The following HBS1L variants were observed in gnomAD, a reference collection of about 807,000 sequenced individuals.
HBS1L encodes HBS1 like translational GTPase.
Under a neutral mutation model 88.9 loss-of-function variants are expected in HBS1L, and 55 were observed. The observed-to-expected ratio is 0.62, with a 90% CI of 0.50 to 0.77. The LOEUF is 0.77. Among genes scored for constraint, HBS1L ranks in the 30% least tolerant of loss-of-function variants. The pLI is 0.00. For missense variants in HBS1L, 741 were observed against 829.3 expected, an observed-to-expected ratio of 0.89 and a Z score of 1.31; for synonymous variants, 267 against 288.5, an observed-to-expected ratio of 0.93 and a Z score of 0.76.
At chr6:135,011,362 A>T (rs1775768177) in intron 4 of HBS1L, among the ~76,000 whole-genome samples, 1 of 152,026 alleles carries the variant, frequency 6.6e-6, no homozygotes, top group Non-Finnish European at 1.5e-5. Flanking sequence ...CACACAAAAA[A>T]ATTTTCAATT....
intron 4 of HBS1L, among the ~76,000 whole-genome samples, chr6:135,006,125 A>G (rs964857509): frequency 6.6e-6 from 1 of 152,050 alleles, no homozygotes; most frequent in African/African-American, 2.4e-5. Context: ...CTTCATTAGG[A>G]GTTAAGAATC....
intron 2 of HBS1L, among the ~76,000 whole-genome samples, chr6:135,042,329 T>C (rs1776765959): frequency 6.6e-6 from 1 of 152,190 alleles, no homozygotes; most frequent in Non-Finnish European, 1.5e-5. Context: ...TATTATTCTC[T>C]TATAATCTTC....
intron 1 of HBS1L, among the ~76,000 whole-genome samples, 159 bp from the exon 2 acceptor site, chr6:135,050,806 C>T (rs1777057978): frequency 6.6e-6 from 1 of 152,168 alleles, no homozygotes; most frequent in African/African-American, 2.4e-5. Context: ...GAATTTCACC[C>T]ACAAAATAGG....
chr6:134,978,364 G>C (rs904053108), intron 15 of HBS1L, among the ~76,000 whole-genome samples: 1 of 151,880 alleles, frequency 6.6e-6, no homozygotes, highest in African/African-American at 2.4e-5. Context: ...GAAAAACTTA[G>C]AAGTAAGTAA....
chr6:135,032,109 T>C (rs1776403295), intron 4 of HBS1L, among the ~76,000 whole-genome samples: 1 of 151,976 alleles, frequency 6.6e-6, no homozygotes, highest in Non-Finnish European at 1.5e-5. Flanking sequence ...AAGGCAAGAA[T>C]TCTAAATGCT....
In HBS1L at chr6:135,050,625, G is replaced by A. The variant is rs779536850; in HGVS notation, c.66C>T (p.Tyr22=). 1.1e-5 allele frequency: 17 copies of A among 1,592,370 alleles called. No homozygotes were observed. Among genetic ancestry groups the A allele is most frequent in the Admixed American group, 1.7e-5 (1 of 57,602 alleles). The part of the protein sequence containing the change: ...YDEDFEDDDL[Y]GQSVEDDYCI... ...AATAATCATCCTCTACAGACTGGCC[G>A]TAGAGATCATCATCTTCAAAATCTA... The change falls in exon 2 of 18, where the codon TAC becomes TAT. Residue 22 remains tyrosine (Y), a synonymous_variant. Coordinates refer to ENST00000367837, the MANE Select transcript of HBS1L (RefSeq NM_006620.4).
At chr6:135,015,901 TCCAGACGGAG>T in intron 4 of HBS1L, among the ~76,000 whole-genome samples, 1 of 137,056 alleles carries the variant, frequency 7.3e-6, no homozygotes, top group Non-Finnish European at 1.6e-5. Flanking sequence ...TTTTTTTTTT[TCCAGACGGAG>T]TCTTGTTCTG....
intron 15 of HBS1L, among the ~76,000 whole-genome samples, chr6:134,977,847 G>A (rs751839146): frequency 7.2e-5 from 11 of 151,966 alleles, no homozygotes; most frequent in Admixed American, 1.3e-4. Context: ...CATCTGTCAC[G>A]TGACAAAAGC....
intron 8 of HBS1L, among the ~76,000 whole-genome samples, chr6:134,992,975 CTA>C (rs1212778336): frequency 6.6e-6 from 1 of 152,070 alleles, no homozygotes; most frequent in Non-Finnish European, 1.5e-5. Flanking sequence ...CTTTTATGCC[CTA>C]TTTTTACTGT....
chr6:134,985,943 T>G, intron 11 of HBS1L, 123 bp downstream of exon 11: 2 of 625,560 alleles, frequency 3.2e-6, no homozygotes, highest in Middle Eastern at 4.2e-4. Flanking sequence ...AACAGGTAAC[T>G]TAGTTCCTCC....
chr6:135,043,990 G>A (rs1005069053), intron 2 of HBS1L, among the ~76,000 whole-genome samples: 2 of 152,244 alleles, frequency 1.3e-5, no homozygotes, highest in South Asian at 4.1e-4. Flanking sequence ...TATGCTGCAA[G>A]ATAATTGTAT....
chr6:134,995,391 G>A (rs1775261451), intron 7 of HBS1L, among the ~76,000 whole-genome samples: 1 of 151,802 alleles, frequency 6.6e-6, no homozygotes, highest in Non-Finnish European at 1.5e-5. Context: ...TGCTATCTAT[G>A]GAATGAAGAA....
intron 13 of HBS1L, among the ~76,000 whole-genome samples, chr6:134,979,894 T>G (rs1038166500): frequency 1.3e-5 from 2 of 152,026 alleles, no homozygotes; most frequent in Non-Finnish European, 2.9e-5. Context: ...GAAATAGTGA[T>G]AAGAAAATTT....
At chr6:134,973,377 A>C (rs1774548272) in intron 15 of HBS1L, among the ~76,000 whole-genome samples, 1 of 152,234 alleles carries the variant, frequency 6.6e-6, no homozygotes, top group South Asian at 2.1e-4. Context: ...CCACTTACAT[A>C]AGGAACCTAG....
At chr6:135,011,658 A>G (rs1022904527) in intron 4 of HBS1L, among the ~76,000 whole-genome samples, 4 of 152,144 alleles carry the variant, frequency 2.6e-5, no homozygotes, top group African/African-American at 9.7e-5. Context: ...TAATCCTAGA[A>G]TTTTGGAAGG....
intron 8 of HBS1L, among the ~76,000 whole-genome samples, chr6:134,991,455 A>C (rs1393814471): frequency 6.6e-6 from 1 of 152,204 alleles, no homozygotes. Flanking sequence ...GAATCCGTAA[A>C]TGCAAAATCC....
chr6:135,026,989 C>T (rs137985378), intron 4 of HBS1L: 47 of 151,052 alleles, frequency 3.1e-4, no homozygotes, highest in African/African-American at 9.5e-4. Context: ...CCCAGGAGTT[C>T]GAGACCAGCA....
chr6:134,971,866 C>A (rs947530541), intron 15 of HBS1L, among the ~76,000 whole-genome samples: 3 of 151,860 alleles, frequency 2.0e-5, no homozygotes, highest in African/African-American at 7.3e-5. Flanking sequence ...TAATACAGGT[C>A]CACAATCACT....
chr6:135,042,356 A>G (rs191783125), intron 2 of HBS1L, among the ~76,000 whole-genome samples: 7 of 152,102 alleles, frequency 4.6e-5, no homozygotes, highest in Admixed American at 3.9e-4. Context: ...CTTTCCCCCA[A>G]TCTCTGAAAC....
Sources: gnomAD v4.1 joint callset for allele counts (sites outside exome capture counted in the v4.1 genomes callset) on GRCh38, gnomAD v4.1.1 for gene constraint, MANE v1.5 for transcripts, NCBI Gene and HGNC (gene_info 2026-07-23, HGNC 2026-07-21) for gene names.